Variants in ZNF704 observed in about 807,000 individuals in gnomAD.
The protein encoded by ZNF704 is glucocorticoid induced gene 1.
ZNF704 carries 10 observed loss-of-function variants against 44.7 expected under a neutral mutation model. That is an observed-to-expected ratio of 0.22 (90% CI 0.14 to 0.38). The LOEUF (loss-of-function observed/expected upper bound fraction) is 0.38, where lower values mean the gene tolerates loss of function less well. Ranked by LOEUF, ZNF704 falls within the 10% of genes least tolerant of loss-of-function variation. ZNF704 has a pLI of 1.00. For synonymous variants in ZNF704, 211 were observed against 207.6 expected, an observed-to-expected ratio of 1.02 and a Z score of -0.14; for missense variants, 390 against 545.5, an observed-to-expected ratio of 0.71 and a Z score of 2.84.
At chr8:80,875,785 G>A (rs922517736), upstream of ZNF704, among the ~76,000 whole-genome samples, 2 of 152,206 alleles carry the variant, frequency 1.3e-5, no homozygotes, top group African/African-American at 4.8e-5. Context: ...TTAGACACTT[G>A]AATGGGGCTC....
chr8:80,828,873 G>A (rs1489276413), intron 1 of ZNF704, among the ~76,000 whole-genome samples: 49 of 152,166 alleles, frequency 3.2e-4, no homozygotes, highest in Admixed American at 3.2e-3. Context: ...TTGGGCCTTG[G>A]AATCCACTTG....
chr8:80,691,013 TA>T (rs879420810), intron 3 of ZNF704, among the ~76,000 whole-genome samples: 614 of 133,568 alleles, frequency 4.6e-3, no homozygotes, highest in Non-Finnish European at 4.6e-3. Flanking sequence ...CATCTCAAAT[TA>T]AAAAAAAAAA....
At chr8:80,824,191 C>T (rs1019196560) in intron 1 of ZNF704, among the ~76,000 whole-genome samples, 7 of 151,898 alleles carry the variant, frequency 4.6e-5, no homozygotes, top group Non-Finnish European at 7.4e-5. Flanking sequence ...AAAGATTAGA[C>T]GAACGGCTAA....
intron 2 of ZNF704, among the ~76,000 whole-genome samples, chr8:80,698,089 T>A (rs143319180): frequency 2.6e-4 from 40 of 152,316 alleles, no homozygotes; most frequent in African/African-American, 8.7e-4. Flanking sequence ...TAAGAGTTTA[T>A]GCTTTCAATA....
intron 2 of ZNF704, among the ~76,000 whole-genome samples, chr8:80,718,995 C>A (rs374931043): frequency 9.2e-5 from 14 of 151,986 alleles, no homozygotes; most frequent in African/African-American, 2.9e-4. Context: ...GACAGGGTCT[C>A]ACTCTGTTGT....
chr8:80,833,880 T>C (rs1034347178), intron 1 of ZNF704, among the ~76,000 whole-genome samples: 1 of 152,158 alleles, frequency 6.6e-6, no homozygotes, highest in Non-Finnish European at 1.5e-5. Flanking sequence ...ATAGGGTTTT[T>C]AGGGGTTTTG....
At chr8:80,696,317 T>C (rs1818723680) in intron 2 of ZNF704, among the ~76,000 whole-genome samples, 1 of 152,244 alleles carries the variant, frequency 6.6e-6, no homozygotes, top group South Asian at 2.1e-4. Context: ...CCTCCAGCCA[T>C]ACTTGAATAG....
intron 1 of ZNF704, among the ~76,000 whole-genome samples, chr8:80,825,056 T>C (rs1365042074): frequency 6.6e-6 from 1 of 152,064 alleles, no homozygotes; most frequent in Non-Finnish European, 1.5e-5. Flanking sequence ...AATGACAGGA[T>C]CAAATTCACA....
intron 1 of ZNF704, among the ~76,000 whole-genome samples, chr8:80,824,560 A>G (rs369375776): frequency 2.6e-5 from 4 of 152,330 alleles, no homozygotes; most frequent in Non-Finnish European, 4.4e-5. Context: ...TTCAAATTCA[A>G]GAAATACAGA....
At chr8:80,769,421 A>G (rs1216446236) in intron 2 of ZNF704, among the ~76,000 whole-genome samples, 1 of 152,186 alleles carries the variant, frequency 6.6e-6, no homozygotes, top group African/African-American at 2.4e-5. Flanking sequence ...AGACTGGGCA[A>G]TTTACAAAAG....
intron 2 of ZNF704, among the ~76,000 whole-genome samples, chr8:80,716,015 G>A (rs530263768): frequency 2.0e-5 from 3 of 152,138 alleles, no homozygotes; most frequent in Non-Finnish European, 4.4e-5. Context: ...GGGAGGCAGA[G>A]GTTGCAGTGA....
chr8:80,859,627 T>C (rs1809024859), intron 1 of ZNF704, among the ~76,000 whole-genome samples: 1 of 152,258 alleles, frequency 6.6e-6, no homozygotes, highest in South Asian at 2.1e-4. Context: ...TTTGCTTTTG[T>C]ATTTCTCAAT....
chr8:80,644,523 T>C (rs1232276345), intron 7 of ZNF704, among the ~76,000 whole-genome samples: 1 of 152,156 alleles, frequency 6.6e-6, no homozygotes, highest in African/African-American at 2.4e-5. Context: ...TTGAATAAAA[T>C]GGAAAGTTTC....
At chr8:80,773,084 G>T (rs1477345088) in intron 2 of ZNF704, among the ~76,000 whole-genome samples, 2 of 152,008 alleles carry the variant, frequency 1.3e-5, no homozygotes, top group Non-Finnish European at 2.9e-5. Context: ...TTCATTTCTA[G>T]ATTACATTTA....
At chr8:80,694,589 T>TA (rs1563521667) in intron 2 of ZNF704, among the ~76,000 whole-genome samples, 8 of 152,182 alleles carry the variant, frequency 5.3e-5, no homozygotes. Context: ...AATGAACTCT[T>TA]AGAGATAGAA....
At chr8:80,658,616 T>A (rs779316336) in intron 7 of ZNF704, 2 of 152,168 alleles carry the variant, frequency 1.3e-5, no homozygotes, top group Non-Finnish European at 2.9e-5. Flanking sequence ...ATTCCCAGAG[T>A]CTTTTCTGGA....
intron 7 of ZNF704, among the ~76,000 whole-genome samples, chr8:80,645,947 G>C (rs1050698516): frequency 5.9e-5 from 9 of 152,096 alleles, no homozygotes; most frequent in Non-Finnish European, 7.4e-5. Flanking sequence ...GAGGTGATTA[G>C]GCTATGAGGG....
At chr8:80,787,333 C>G (rs990806952) in intron 2 of ZNF704, among the ~76,000 whole-genome samples, 10 of 152,166 alleles carry the variant, frequency 6.6e-5, no homozygotes, top group African/African-American at 2.4e-4. Flanking sequence ...TGTGCGTGCA[C>G]ACACACTCAC....
At chr8:80,769,138 T>C (rs1807277093) in intron 2 of ZNF704, among the ~76,000 whole-genome samples, 1 of 152,184 alleles carries the variant, frequency 6.6e-6, no homozygotes, top group South Asian at 2.1e-4. Flanking sequence ...AGAACTCTAT[T>C]AGCAAATGAA....
Sources: allele counts gnomAD v4.1 joint callset (sites outside exome capture counted in the v4.1 genomes callset), GRCh38; gene constraint gnomAD v4.1.1; transcripts MANE v1.5; gene names NCBI Gene and HGNC (gene_info 2026-07-23, HGNC 2026-07-21).